GPR139: variants seen among roughly 807,000 people sequenced by gnomAD.
GPR139 encodes the protein G protein-coupled receptor 139.
Under a neutral mutation model 25.8 loss-of-function variants are expected in GPR139, and 12 were observed. The observed-to-expected ratio is 0.47, with a 90% CI of 0.30 to 0.75. The LOEUF (loss-of-function observed/expected upper bound fraction) is 0.75. GPR139 is among the 30% of genes least tolerant of loss of function. The pLI is 0.07. For synonymous variants in GPR139, 184 were observed against 179.9 expected (o/e 1.02, Z -0.18); for missense variants, 380 against 450.2 (o/e 0.84, Z 1.41).
intron 1 of GPR139, among the ~76,000 whole-genome samples, chr16:20,064,628 A>AT (rs2057425133): frequency 6.6e-6 from 1 of 152,224 alleles, no homozygotes; most frequent in Admixed American, 6.5e-5. Context: ...AGTACCAGAC[A>AT]TTGTGCCCCA....
chr16:20,053,454 A>C (rs1173706729), intron 1 of GPR139, among the ~76,000 whole-genome samples: 4 of 152,162 alleles, frequency 2.6e-5, no homozygotes, highest in Non-Finnish European at 4.4e-5. Context: ...TGGCAGAGGG[A>C]GCCGCAAGTG....
At chr16:20,044,269 C>G (rs1229159043) in intron 1 of GPR139, among the ~76,000 whole-genome samples, 2 of 152,164 alleles carry the variant, frequency 1.3e-5, no homozygotes, top group African/African-American at 4.8e-5. Context: ...TGAGAACTAG[C>G]TCAAGAAAAG....
At chr16:20,060,762 C>CT (rs2057409944) in intron 1 of GPR139, among the ~76,000 whole-genome samples, 1 of 152,048 alleles carries the variant, frequency 6.6e-6, no homozygotes, top group Non-Finnish European at 1.5e-5. Context: ...CCCCCTTCTC[C>CT]TTTTTTGGTC....
chr16:20,065,926 T>G (rs2057432547), intron 1 of GPR139, among the ~76,000 whole-genome samples: 1 of 152,116 alleles, frequency 6.6e-6, no homozygotes, highest in South Asian at 2.1e-4. Flanking sequence ...TGAAGTGTTT[T>G]GAAGAATGCT....
intron 1 of GPR139, among the ~76,000 whole-genome samples, chr16:20,063,696 G>A (rs1027060360): frequency 6.6e-6 from 1 of 152,096 alleles, no homozygotes; most frequent in Admixed American, 6.5e-5. Flanking sequence ...CTAAGCAATC[G>A]TTCTGAGCTC....
intron 1 of GPR139, among the ~76,000 whole-genome samples, chr16:20,035,752 A>T (rs541822126): frequency 6.6e-6 from 1 of 152,356 alleles, no homozygotes; most frequent in East Asian, 1.9e-4. Context: ...CAAAGGAAAC[A>T]GCATGTGCAA....
chr16:20,058,175 TA>T (rs1224085226), intron 1 of GPR139, among the ~76,000 whole-genome samples: 1 of 152,218 alleles, frequency 6.6e-6, no homozygotes, highest in African/African-American at 2.4e-5. Flanking sequence ...ATCCTTATTT[TA>T]CGGATATGTA....
In GPR139 at chr16:20,052,919, T is replaced by C. The variant is rs572197652; in HGVS notation, c.128-20250A>G. Among the ~76,000 whole-genome samples, 204 of 152,274 alleles carry C rather than the reference T, an allele frequency of 1.3e-3. 2 individuals carry two copies. In the Middle Eastern group the frequency reaches 0.014, roughly 10 times the overall value. Reference sequence around the variant, plus strand: ...AGGATGTGCAGGTTTGTTACGTAGATAAATGGTGCGTCACGGTGGTTTGCT... The same window carrying C: ...AGGATGTGCAGGTTTGTTACGTAGACAAATGGTGCGTCACGGTGGTTTGCT... On this transcript the variant is annotated intron_variant, in intron 1 of 1. Transcript: ENST00000570682.
rs149785869 is a variant in GPR139, at chr16:20,030,844, C to G, written c.*891G>C. On this transcript the variant is annotated 3_prime_UTR_variant, in exon 2 of 2. Transcript: ENST00000570682. ...AGGAGGCAGGGTTGGCAACTTGACA[C>G]GTAAAAAGGCTTCTCTAGGAAGCTG... Among the ~76,000 whole-genome samples the G allele has an allele frequency of 2.2e-3, 331 of 152,280 alleles. 2 individuals are homozygous for G. Among genetic ancestry groups the G allele is most frequent in the African/African-American group, 7.6e-3 (315 of 41,550 alleles).
At chr16:20,055,232 A>G (rs1392225722) in intron 1 of GPR139, among the ~76,000 whole-genome samples, 1 of 152,208 alleles carries the variant, frequency 6.6e-6, no homozygotes, top group Non-Finnish European at 1.5e-5. Context: ...TTAGTTTGCT[A>G]AGGATGATGG....
At chr16:20,073,000 T>C (rs2057465189) in intron 1 of GPR139, among the ~76,000 whole-genome samples, 1 of 151,832 alleles carries the variant, frequency 6.6e-6, no homozygotes, top group Non-Finnish European at 1.5e-5. Context: ...AATGTCAGGG[T>C]CTCCAGCTTC....
intron 1 of GPR139, among the ~76,000 whole-genome samples, chr16:20,041,480 C>A (rs972198544): frequency 6.6e-6 from 1 of 151,654 alleles, no homozygotes. Context: ...GGGTAGAGAC[C>A]GAATTGTATG....
intron 1 of GPR139, among the ~76,000 whole-genome samples, chr16:20,057,292 G>C (rs1034513763): frequency 2.6e-5 from 4 of 152,178 alleles, no homozygotes; most frequent in Admixed American, 6.5e-5. Context: ...CATGATGGAA[G>C]TATCAATCTC....
intron 1 of GPR139, among the ~76,000 whole-genome samples, chr16:20,034,218 C>T (rs1295257663): frequency 6.6e-6 from 1 of 151,258 alleles, no homozygotes; most frequent in Non-Finnish European, 1.5e-5. Flanking sequence ...ATCCAGATCT[C>T]TCTCTCAGTC....
intron 1 of GPR139, among the ~76,000 whole-genome samples, chr16:20,069,235 A>T (rs1344066147): frequency 2.2e-5 from 2 of 88,986 alleles, no homozygotes; most frequent in Non-Finnish European, 5.2e-5. Flanking sequence ...TTTAATCTTC[A>T]CAGCAACCCT....
At chr16:20,071,747 G>C (rs978685061) in intron 1 of GPR139, among the ~76,000 whole-genome samples, 5 of 152,062 alleles carry the variant, frequency 3.3e-5, no homozygotes, top group Non-Finnish European at 7.4e-5. Flanking sequence ...GTCTTTAAAG[G>C]CCTAAGTTTT....
At chr16:20,040,182 C>T (rs1359097817) in intron 1 of GPR139, among the ~76,000 whole-genome samples, 1 of 152,212 alleles carries the variant, frequency 6.6e-6, no homozygotes, top group East Asian at 1.9e-4. Flanking sequence ...TGTAGTCCCA[C>T]TGCTCACTGG....
At chr16:20,043,248 T>C (rs1033162541) in intron 1 of GPR139, among the ~76,000 whole-genome samples, 2 of 152,216 alleles carry the variant, frequency 1.3e-5, no homozygotes, top group African/African-American at 4.8e-5. Flanking sequence ...TCTGGCTTTT[T>C]GACCATGGAC....
In GPR139 at chr16:20,031,527, T is replaced by C; in HGVS notation, c.*208A>G. ...AGCTTTTGCTGTCATTACGACTCTG[T>C]GGAAATAAATGCATAAGTAAAAACA... On this transcript the variant is annotated 3_prime_UTR_variant, in exon 2 of 2. Transcript: ENST00000570682. The C allele has an allele frequency of 1.7e-6, 1 of 580,130 alleles. No homozygotes were observed. The highest frequency in any genetic ancestry group is 2.2e-5 in the South Asian group (1 of 45,350). The allele number at this position is 580,130 out of a possible 1,614,324, so 35.9% of individuals were successfully genotyped here.
Sources: allele counts gnomAD v4.1 joint callset (sites outside exome capture counted in the v4.1 genomes callset), GRCh38; gene constraint gnomAD v4.1.1; transcripts MANE v1.5; gene names NCBI Gene and HGNC (gene_info 2026-07-23, HGNC 2026-07-21).